Variants in C14orf39 observed in about 807,000 individuals in gnomAD.
The protein encoded by C14orf39 is protein SIX6OS1.
In C14orf39, 66 loss-of-function variants were observed where a neutral mutation model predicts 85.6. The observed-to-expected ratio is 0.77, with a 90% CI of 0.63 to 0.95. C14orf39 has a LOEUF of 0.95. Among genes scored for constraint, C14orf39 ranks in the 40% least tolerant of loss-of-function variants. The pLI is 0.00. For missense variants in C14orf39, 735 were observed against 663.9 expected, an observed-to-expected ratio of 1.11 and a Z score of -1.18; for synonymous variants, 242 against 214.0, an observed-to-expected ratio of 1.13 and a Z score of -1.14.
chr14:60,481,501 T>A (rs937405598), intron 4 of C14orf39, among the ~76,000 whole-genome samples: 5 of 152,084 alleles, frequency 3.3e-5, no homozygotes, highest in Non-Finnish European at 5.9e-5. Flanking sequence ...TATTTTTTTT[T>A]AAATCATGCT....
At chr14:60,453,887 T>G (rs565943530) in intron 16 of C14orf39, among the ~76,000 whole-genome samples, 3 of 151,962 alleles carry the variant, frequency 2.0e-5, no homozygotes, top group Admixed American at 6.6e-5. Flanking sequence ...TACAATATTT[T>G]TTCCTATGCA....
At chr14:60,460,670 C>A (rs532495694) in intron 13 of C14orf39, among the ~76,000 whole-genome samples, 5 of 151,794 alleles carry the variant, frequency 3.3e-5, no homozygotes, top group African/African-American at 1.2e-4. Context: ...TATACATATA[C>A]ATACATGTAT....
chr14:60,506,473 C>T (rs1035019382), intron 1 of C14orf39, among the ~76,000 whole-genome samples: 1 of 152,190 alleles, frequency 6.6e-6, no homozygotes, highest in Admixed American at 6.5e-5. Context: ...GAGGGTTATT[C>T]CTAAGGAATC....
At chr14:60,495,910 G>A (rs1186604955) in intron 2 of C14orf39, 3 of 428,196 alleles carry the variant, frequency 7.0e-6, no homozygotes, top group Non-Finnish European at 1.4e-5. Context: ...AGAGCACAGA[G>A]TCCAGGGTGT....
chr14:60,477,475 CTT>C lies in C14orf39; in HGVS notation c.323+823_323+824del, dbSNP rs759126491. On this transcript the variant is annotated intron_variant, in intron 5 of 17. Transcript: ENST00000321731. ...ATGCTATATAATGTGTTCAAAGTCT[CTT>C]GTCTTGTTTCATTACATTCACTAAT... Among the ~76,000 whole-genome samples, 28 of 152,276 alleles carry C rather than the reference CTT, an allele frequency of 1.8e-4. 1 individual carries two copies. The highest frequency in any genetic ancestry group is 1.5e-3 in the South Asian group (7 of 4,820).
chr14:60,502,490 A>G (rs1893160733), intron 1 of C14orf39, among the ~76,000 whole-genome samples: 1 of 152,232 alleles, frequency 6.6e-6, no homozygotes. Context: ...AAATCAGTTC[A>G]GCCCCCAATT....
In C14orf39 at chr14:60,484,043, G is replaced by C. The variant is rs914357877; in HGVS notation, c.107-226C>G. On this transcript the variant is annotated intron_variant, in intron 3 of 17. Transcript: ENST00000321731. The surrounding 1 kb of genome is among the most constrained non-coding windows in gnomAD (Gnocchi z 4.2). Reference sequence around the variant, plus strand: ...AGAAGATTTTCAGTTTGGGAATGATGAAAAAATAAATGTCCCTTGTACCTC... The same window carrying C: ...AGAAGATTTTCAGTTTGGGAATGATCAAAAAATAAATGTCCCTTGTACCTC... 2.0e-5 allele frequency among the ~76,000 whole-genome samples: 3 copies of C among 152,126 alleles called. No individual in the cohort carries two copies. Among genetic ancestry groups the C allele is most frequent in the Admixed American group, 6.5e-5 (1 of 15,278 alleles).
upstream of C14orf39, among the ~76,000 whole-genome samples, chr14:60,490,463 A>C (rs922682418): frequency 2.0e-5 from 3 of 149,808 alleles, no homozygotes; most frequent in Non-Finnish European, 4.4e-5. Context: ...GAATAAATAA[A>C]TAAATAAATA....
At chr14:60,497,693 T>A (rs549180582) in intron 2 of C14orf39, among the ~76,000 whole-genome samples, 2 of 152,116 alleles carry the variant, frequency 1.3e-5, no homozygotes, top group Non-Finnish European at 2.9e-5. Context: ...CTAGCCCACA[T>A]GGTGAAACCC....
intron 5 of C14orf39, among the ~76,000 whole-genome samples, chr14:60,472,493 T>G (rs1432179751): frequency 6.6e-6 from 1 of 152,168 alleles, no homozygotes; most frequent in Middle Eastern, 3.2e-3. Context: ...GTTGGTGTGC[T>G]GCACCCATTA....
chr14:60,485,368 C>T (rs943003524), intron 1 of C14orf39, among the ~76,000 whole-genome samples: 2 of 152,168 alleles, frequency 1.3e-5, no homozygotes, highest in African/African-American at 4.8e-5. Context: ...CGTGGGATTG[C>T]AACAAGCATC....
chr14:60,504,695 G>A (rs1258433081), intron 1 of C14orf39, among the ~76,000 whole-genome samples: 2 of 152,212 alleles, frequency 1.3e-5, no homozygotes, highest in Non-Finnish European at 2.9e-5. Context: ...ATGCAGTGAT[G>A]TGGTTAGTGC....
chr14:60,448,202 T>C (rs1890867955), intron 16 of C14orf39, among the ~76,000 whole-genome samples: 1 of 152,010 alleles, frequency 6.6e-6, no homozygotes, highest in Non-Finnish European at 1.5e-5. Context: ...TGGAATCTAA[T>C]TAAAATAAAG....
Position 60,461,515 on chromosome 14 carries a change from G to A in C14orf39, c.1051C>T (p.Gln351Ter). The part of the protein sequence containing the change: ...TTITSSQKFM[Q>*]VRLLTPQKQS... The stretch of plus-strand genomic sequence containing the variant: ...CTTATTTTAAAAAGTTACCTGACTT[G>A]CATAAACTTTTGTGAACTTGTGATA... The change falls in exon 12 of 18, where the codon CAA becomes TAA. Residue 351 changes from glutamine to a stop codon, truncating the protein, a stop_gained. Coordinates refer to ENST00000321731, the MANE Select transcript of C14orf39 (RefSeq NM_174978.3). LOFTEE classifies it high-confidence loss of function. 1.3e-6 allele frequency: 2 copies of A among 1,590,178 alleles called. No individual in the cohort carries two copies. Among genetic ancestry groups the A allele is most frequent in the Non-Finnish European group, 8.5e-7 (1 of 1,169,760 alleles).
At chr14:60,504,592 T>C (rs1348917565) in intron 1 of C14orf39, among the ~76,000 whole-genome samples, 1 of 152,226 alleles carries the variant, frequency 6.6e-6, no homozygotes, top group African/African-American at 2.4e-5. Flanking sequence ...TCATTACTAA[T>C]AATGAAAAGT....
At chr14:60,480,731 G>C (rs1251618313) in intron 4 of C14orf39, among the ~76,000 whole-genome samples, 1 of 151,786 alleles carries the variant, frequency 6.6e-6, no homozygotes, top group Admixed American at 6.6e-5. Context: ...GATGGATAAT[G>C]AAAGTGTGGC....
chr14:60,451,758 G>A, intron 16 of C14orf39, among the ~76,000 whole-genome samples: 1 of 151,912 alleles, frequency 6.6e-6, no homozygotes, highest in South Asian at 2.1e-4. Flanking sequence ...AATGGGTGCA[G>A]CACACCAACA....
intron 16 of C14orf39, among the ~76,000 whole-genome samples, chr14:60,446,899 G>A: frequency 6.6e-6 from 1 of 152,224 alleles, no homozygotes; most frequent in Admixed American, 6.5e-5. Flanking sequence ...CTCAACATAT[G>A]CAAATCAATA....
chr14:60,507,726 A>G (rs1451008578), intron 1 of C14orf39, among the ~76,000 whole-genome samples: 1 of 152,128 alleles, frequency 6.6e-6, no homozygotes, highest in Non-Finnish European at 1.5e-5. Flanking sequence ...CTTCTGATTT[A>G]CCAGATCTGT....
Sources: gnomAD v4.1 joint callset for allele counts (sites outside exome capture counted in the v4.1 genomes callset) on GRCh38, gnomAD v4.1.1 for gene constraint, Gnocchi (gnomAD v3.1) non-coding constraint, MANE v1.5 for transcripts, NCBI Gene and HGNC (gene_info 2026-07-23, HGNC 2026-07-21) for gene names.